RHOBTB1: variants seen among roughly 807,000 people sequenced by gnomAD.
RHOBTB1 encodes Rho related BTB domain containing 1, also known as rho-related BTB domain-containing protein 1.
Under a neutral mutation model 71.6 loss-of-function variants are expected in RHOBTB1, and 40 were observed. That is an observed-to-expected ratio of 0.56 (90% CI 0.43 to 0.73). RHOBTB1 has a LOEUF of 0.73. Among genes scored for constraint, RHOBTB1 ranks in the 30% least tolerant of loss-of-function variants. RHOBTB1 has a pLI of 0.00. For missense variants in RHOBTB1, 797 were observed against 894.0 expected (o/e 0.89, Z 1.38); for synonymous variants, 319 against 334.9 (o/e 0.95, Z 0.52).
chr10:60,970,791 T>C lies in RHOBTB1; in HGVS notation c.-62+15054A>G, dbSNP rs117544792. ...TAGGGCTTTTACAGTGCAAGATTAATGCTATGGTTTTCTATGTTCATTCTG... is the reference window on the plus strand; with the variant it reads ...TAGGGCTTTTACAGTGCAAGATTAACGCTATGGTTTTCTATGTTCATTCTG... On this transcript the variant is annotated intron_variant, in intron 2 of 11. Coordinates refer to the RHOBTB1 transcript ENST00000357917. Among the ~76,000 whole-genome samples the C allele has an allele frequency of 9.9e-3, 1,506 of 152,206 alleles. 7 individuals carry two copies. The highest frequency in any genetic ancestry group is 0.015 in the Non-Finnish European group (1,053 of 67,982).
At chr10:60,945,558 C>G (rs1487109289), upstream of RHOBTB1, among the ~76,000 whole-genome samples, 2 of 152,152 alleles carry the variant, frequency 1.3e-5, no homozygotes, top group African/African-American at 4.8e-5. Flanking sequence ...GATGAATTAC[C>G]CTCCAGCCAA....
intron 2 of RHOBTB1, among the ~76,000 whole-genome samples, chr10:60,968,484 G>A (rs1165625963): frequency 6.6e-6 from 1 of 152,072 alleles, no homozygotes; most frequent in Non-Finnish European, 1.5e-5. Flanking sequence ...ACACAGAGCT[G>A]GGTGCTAGGG....
At chr10:60,898,152 A>T (rs1174022724) in intron 4 of RHOBTB1, among the ~76,000 whole-genome samples, 1 of 152,064 alleles carries the variant, frequency 6.6e-6, no homozygotes, top group Non-Finnish European at 1.5e-5. Flanking sequence ...GACTCCCCAT[A>T]TCCAGTATAT....
chr10:60,971,224 C>G (rs1356997787), intron 2 of RHOBTB1, among the ~76,000 whole-genome samples: 1 of 151,772 alleles, frequency 6.6e-6, no homozygotes, highest in African/African-American at 2.4e-5. Flanking sequence ...TGAAAAAGAG[C>G]CTATATAGCC....
intron 4 of RHOBTB1, among the ~76,000 whole-genome samples, chr10:60,894,980 C>T (rs145466998): frequency 5.3e-5 from 8 of 152,238 alleles, no homozygotes; most frequent in Non-Finnish European, 7.4e-5. Flanking sequence ...CATGATAACA[C>T]TCATGGTATT....
At chr10:60,957,950 C>T (rs1589418312) in intron 2 of RHOBTB1, among the ~76,000 whole-genome samples, 1 of 152,158 alleles carries the variant, frequency 6.6e-6, no homozygotes, top group African/African-American at 2.4e-5. Context: ...AAATTCACAA[C>T]CATAATACAA....
chr10:60,882,014 A>G (rs970084638), intron 7 of RHOBTB1, among the ~76,000 whole-genome samples: 3 of 152,196 alleles, frequency 2.0e-5, no homozygotes, highest in Non-Finnish European at 4.4e-5. Context: ...CTTTTGGAAC[A>G]TGCATTTTTT....
chr10:60,895,558 C>T (rs888748031), intron 4 of RHOBTB1, among the ~76,000 whole-genome samples: 1 of 152,180 alleles, frequency 6.6e-6, no homozygotes, highest in African/African-American at 2.4e-5. Flanking sequence ...GCATGTGCCA[C>T]CATGCCCGGC....
intron 10 of RHOBTB1, among the ~76,000 whole-genome samples, chr10:60,871,890 C>T (rs779229358): frequency 2.6e-5 from 4 of 152,120 alleles, no homozygotes; most frequent in African/African-American, 4.8e-5. Context: ...AGAGTCTAAG[C>T]CTGCTCCTAA....
chr10:60,967,246 A>T (rs1403376841), intron 2 of RHOBTB1, among the ~76,000 whole-genome samples: 9 of 151,944 alleles, frequency 5.9e-5, no homozygotes, highest in East Asian at 3.9e-4. Flanking sequence ...AGAAAAAAAA[A>T]ATATAGCAGA....
intron 1 of RHOBTB1, among the ~76,000 whole-genome samples, chr10:60,991,630 A>C (rs1339628061): frequency 6.6e-6 from 1 of 151,692 alleles, no homozygotes; most frequent in Non-Finnish European, 1.5e-5. Context: ...ACGGGGTTTC[A>C]CCATGTTGGC....
chr10:60,994,528 C>T (rs1337864006), intron 1 of RHOBTB1, among the ~76,000 whole-genome samples: 3 of 152,106 alleles, frequency 2.0e-5, no homozygotes, highest in Non-Finnish European at 4.4e-5. Flanking sequence ...TCCAAGTTCA[C>T]ATTTTCCATA....
At chr10:60,886,692 G>A (rs543302638) in intron 6 of RHOBTB1, among the ~76,000 whole-genome samples, 33 of 143,282 alleles carry the variant, frequency 2.3e-4, no homozygotes, top group African/African-American at 7.9e-4. Context: ...AAATGTAACC[G>A]AATTACTGTT....
chr10:60,861,116 A>G, the RHOBTB1 span, among the ~76,000 whole-genome samples: 19,862 of 152,186 alleles, frequency 0.13, 1,375 homozygotes, highest in East Asian at 0.22. Context: ...GGTGGAAGAA[A>G]TTTCCAGAAC....
At position 60,871,549 on chromosome 10, in the gene RHOBTB1, A is replaced by G. The variant is rs374936128; in HGVS notation, c.2024T>C (p.Ile675Thr). The G allele has an allele frequency of 3.2e-5, 52 of 1,613,942 alleles. No homozygotes were observed. In the Middle Eastern group the frequency reaches 1.3e-3, roughly 41 times the overall value. The change falls in exon 11 of 11, where the codon ATT becomes ACT. Residue 675 changes from isoleucine to threonine, a missense_variant. Physicochemically the swap from Ile to Thr is moderately conservative, Grantham distance 89 (BLOSUM62 -1). This residue lies in a region of RHOBTB1 where 658 missense variants were observed against 681.5 expected (regional missense o/e 0.97). Transcript: ENST00000337910. ...RVKREREKED[I>T]ALNKHRSRRK... ...TCTTGAGCGATGCTTATTTAGTGCA[A>G]TATCTTCCTTCTCTCGTTCCCTTTT...
At chr10:60,941,533 C>T (rs1001845450) in intron 2 of RHOBTB1, among the ~76,000 whole-genome samples, 1 of 152,098 alleles carries the variant, frequency 6.6e-6, no homozygotes, top group Admixed American at 6.5e-5. Flanking sequence ...TTCTCAACCA[C>T]GGGCACCACT....
At chr10:60,865,093 G>C (rs1241856698), downstream of RHOBTB1, among the ~76,000 whole-genome samples, 1 of 152,216 alleles carries the variant, frequency 6.6e-6, no homozygotes, top group East Asian at 1.9e-4. Context: ...GGGGCTGAGA[G>C]AGAAAACATA....
intron 1 of RHOBTB1, among the ~76,000 whole-genome samples, chr10:60,995,160 C>G (rs1448153987): frequency 1.3e-5 from 2 of 151,976 alleles, no homozygotes; most frequent in Non-Finnish European, 2.9e-5. Context: ...AATAATATAC[C>G]AGTAAGAGGA....
intron 2 of RHOBTB1, among the ~76,000 whole-genome samples, chr10:60,975,107 G>T (rs2086274008): frequency 6.6e-6 from 1 of 151,976 alleles, no homozygotes; most frequent in Admixed American, 6.6e-5. Flanking sequence ...TCAAGCTAAT[G>T]AACTATATTG....
Sources: gnomAD v4.1 joint callset for allele counts (sites outside exome capture counted in the v4.1 genomes callset) on GRCh38, gnomAD v4.1.1 for gene constraint, gnomAD v4.1.1 regional missense constraint, MANE v1.5 for transcripts, NCBI Gene and HGNC (gene_info 2026-07-23, HGNC 2026-07-21) for gene names.